U2AF2: variants seen among roughly 807,000 people sequenced by gnomAD.
U2AF2 encodes the protein U2 small nuclear RNA auxiliary factor 2, also known as splicing factor U2AF 65 kDa subunit.
U2AF2 carries 6 observed loss-of-function variants against 52.6 expected under a neutral mutation model. That is an observed-to-expected ratio of 0.11 (90% CI 0.06 to 0.23). The LOEUF (loss-of-function observed/expected upper bound fraction) is 0.23, where lower values mean the gene tolerates loss of function less well. U2AF2 is among the 10% of genes least tolerant of loss of function. The pLI is 1.00. For synonymous variants in U2AF2, 284 were observed against 258.2 expected, an observed-to-expected ratio of 1.10 and a Z score of -0.96; for missense variants, 222 against 677.1, an observed-to-expected ratio of 0.33 and a Z score of 7.46.
In U2AF2 at chr19:55,663,788, G is replaced by A. The variant is rs371696032; in HGVS notation, c.742+44G>A. 5 of 1,610,012 alleles carry A rather than the reference G, an allele frequency of 3.1e-6. No homozygotes were observed. In the African/African-American group the frequency reaches 5.3e-5, roughly 17 times the overall value. On this transcript the variant is annotated intron_variant, in intron 7 of 11. Coordinates refer to ENST00000308924, the MANE Select transcript of U2AF2 (RefSeq NM_007279.3). ...AAGGGCCCCTTTCTCCCCCAGTCCT[G>A]TTCCCATGGCCTGTCCATCCCTTCA...
rs759632598 is a variant in U2AF2 at position 55,659,279 on chromosome 19, G to A, written c.119G>A (p.Arg40Gln). 1.1e-5 allele frequency: 17 copies of A among 1,601,334 alleles called. No individual in the cohort carries two copies. The highest frequency in any genetic ancestry group is 2.2e-5 in the South Asian group (2 of 90,006). The change falls in exon 2 of 12, where the codon CGG becomes CAG. Residue 40 changes from arginine to glutamine, a missense_variant. Coordinates refer to ENST00000308924, the MANE Select transcript of U2AF2 (RefSeq NM_007279.3). ...TCTCGGAGCCGGGACCGCAAACGCC[G>A]GAGCCGGAGCCGCGACCGGCGCAAC... ...SRSRSRDRKR[R>Q]SRSRDRRNRD...
intron 11 of U2AF2, among the ~76,000 whole-genome samples, chr19:55,670,337 T>C (rs1461956714): frequency 1.3e-5 from 2 of 151,744 alleles, no homozygotes; most frequent in Admixed American, 6.6e-5. Context: ...TGACCTGCTC[T>C]TTGATCCCCT....
At chr19:55,670,913 CAG>C (rs1191186753) in intron 11 of U2AF2, among the ~76,000 whole-genome samples, 1 of 152,176 alleles carries the variant, frequency 6.6e-6, no homozygotes, top group Non-Finnish European at 1.5e-5. Context: ...AGCAGGAGGG[CAG>C]AGAGGGTGCT....
At position 55,655,164 on chromosome 19, in the gene U2AF2, C is replaced by T. The variant is rs775383990; in HGVS notation, c.49+11C>T. The T allele has an allele frequency of 2.9e-5, 47 of 1,601,188 alleles. No individual in the cohort carries two copies. In the South Asian group the frequency reaches 3.3e-4, roughly 11 times the overall value. On this transcript the variant is annotated intron_variant, in intron 1 of 11. Coordinates refer to ENST00000308924, the MANE Select transcript of U2AF2 (RefSeq NM_007279.3). ...ACGAGAATAAACAAGGTGAGGGCAC[C>T]GGGGTCGCGGGGCGGAGGTGTGGGC...
At chr19:55,657,077 G>C (rs1343966376) in intron 1 of U2AF2, among the ~76,000 whole-genome samples, 1 of 152,218 alleles carries the variant, frequency 6.6e-6, no homozygotes, top group Non-Finnish European at 1.5e-5. Flanking sequence ...TGGCTGCAAG[G>C]CCAAGTTCCA....
At chr19:55,670,358 A>G (rs1984817798) in intron 11 of U2AF2, among the ~76,000 whole-genome samples, 1 of 151,040 alleles carries the variant, frequency 6.6e-6, no homozygotes, top group Non-Finnish European at 1.5e-5. Context: ...TGCTGGGTGT[A>G]TGTATGGAAT....
rs761390253 is a variant in U2AF2 at position 55,655,141 on chromosome 19, G to A, written c.37G>A (p.Glu13Lys). Residue 13 changes from glutamate to lysine, a missense_variant, in exon 1 of 12, where the codon GAG becomes AAG. Physicochemically the swap from Glu to Lys is moderately conservative, Grantham distance 56. This residue lies in a region of U2AF2 where 100 missense variants were observed against 144.1 expected (regional missense o/e 0.69). Transcript: ENST00000308924. ...DFDEFERQLN[E>K]NKQERDKENR... ...CGACGAGTTCGAGCGGCAGCTCAAC[G>A]AGAATAAACAAGGTGAGGGCACCGG... 3 of 1,605,220 alleles carry A rather than the reference G, an allele frequency of 1.9e-6. No individual in the cohort carries two copies. Among genetic ancestry groups the A allele is most frequent in the East Asian group, 2.3e-5 (1 of 43,400 alleles).
chr19:55,661,351 C>CACCCCCA, intron 5 of U2AF2, 162 bp downstream of exon 5: 2 of 765,500 alleles, frequency 2.6e-6, no homozygotes, highest in Non-Finnish European at 3.7e-6. Context: ...AGCCAGGGGC[C>CACCCCCA]GGGCTGGGGG....
chr19:55,669,765 C>T (rs1984768161), intron 11 of U2AF2, 73 bp downstream of exon 11: 4 of 1,485,650 alleles, frequency 2.7e-6, no homozygotes, highest in Non-Finnish European at 3.6e-6. Context: ...TTCTTCCTCT[C>T]TTGCTCCCTC....
chr19:55,668,503 A>G lies in U2AF2; in HGVS notation c.743-4A>G, dbSNP rs1568553938. 6.3e-7 allele frequency: 1 copy of G among 1,592,100 alleles called. No individual in the cohort carries two copies. Among genetic ancestry groups the G allele is most frequent in the Non-Finnish European group, 8.6e-7 (1 of 1,167,436 alleles). ...ATTGAAGTCCTCCTCTTCTCTACCCATAGGGGTTGTGTCCACTGTGGTCCC... is the reference window on the plus strand; with the variant it reads ...ATTGAAGTCCTCCTCTTCTCTACCCGTAGGGGTTGTGTCCACTGTGGTCCC... On this transcript the variant is annotated splice_region_variant and splice_polypyrimidine_tract_variant and intron_variant, in intron 7 of 11. Transcript: ENST00000308924. This position sits in a 1 kb window ranked among gnomAD's most constrained non-coding sequence, Gnocchi z 5.5.
chr19:55,656,848 A>G (rs1018555046), intron 1 of U2AF2, among the ~76,000 whole-genome samples: 1 of 152,222 alleles, frequency 6.6e-6, no homozygotes, highest in Non-Finnish European at 1.5e-5. Context: ...CAATTGTAAA[A>G]TTCCATGCTT....
intron 1 of U2AF2, among the ~76,000 whole-genome samples, chr19:55,658,255 C>A (rs547190181): frequency 6.6e-6 from 1 of 152,096 alleles, no homozygotes; most frequent in South Asian, 2.1e-4. Flanking sequence ...ATCTGGGTGT[C>A]TTTGAATTAA....
At chr19:55,673,882 T>G (rs987774611) in intron 11 of U2AF2, 52 bp from the exon 12 acceptor site, 74 of 1,568,862 alleles carry the variant, frequency 4.7e-5, no homozygotes, top group Non-Finnish European at 6.0e-5. Flanking sequence ...GGACGCTGAC[T>G]GGCTGTTGGG....
chr19:55,668,593 T>C lies in U2AF2; in HGVS notation c.822+7T>C. The C allele has an allele frequency of 6.2e-7, 1 of 1,604,780 alleles. No homozygotes were observed. Among genetic ancestry groups the C allele is most frequent in the South Asian group, 1.1e-5 (1 of 89,584 alleles). ...CTACCTGAACGATGACCAGGTAACT[T>C]CCCTGCCTCCCTCCAGACCCGTCCC... On this transcript the variant is annotated splice_region_variant and intron_variant, in intron 8 of 11. Transcript: ENST00000308924. The surrounding 1 kb of genome is among the most constrained non-coding windows in gnomAD (Gnocchi z 5.5).
At chr19:55,658,863 C>T (rs769320684) in intron 1 of U2AF2, 1 of 237,454 alleles carries the variant, frequency 4.2e-6, no homozygotes, top group Non-Finnish European at 8.1e-6. Context: ...ATTCCCCAGC[C>T]TCTAGCCCTG....
rs543681324 is a variant in U2AF2, at chr19:55,672,808, A to AT, written c.1294-1118dup. ...GTGTGCCCGCCACCACACCTGGTTA[A>AT]TTTTTTTTGTATTTTTAATAGAGAC... On this transcript the variant is annotated intron_variant, in intron 11 of 11. Coordinates refer to ENST00000308924, the MANE Select transcript of U2AF2 (RefSeq NM_007279.3). 3.3e-5 allele frequency among the ~76,000 whole-genome samples: 5 copies of AT among 149,738 alleles called. No individual in the cohort carries two copies. In the East Asian group the frequency reaches 5.9e-4, roughly 18 times the overall value.
At position 55,668,543 on chromosome 19, in the gene U2AF2, A is replaced by G; in HGVS notation, c.779A>G (p.Lys260Arg). 6.2e-7 allele frequency: 1 copy of G among 1,608,324 alleles called. No individual in the cohort carries two copies. The highest frequency in any genetic ancestry group is 8.5e-7 in the Non-Finnish European group (1 of 1,176,664). ...VSTVVPDSAH[K>R]LFIGGLPNYL... is the part of the protein sequence containing the mutation. ...ACTGTGGTCCCCGACTCTGCCCACA[A>G]GCTGTTCATCGGGGGCTTACCCAAC... The change falls in exon 8 of 12, where the codon AAG (lysine) becomes AGG (arginine). Residue 260 changes from lysine (K) to arginine (R), a missense_variant. Lys to Arg is a conservative substitution (Grantham distance 26). Around this residue, in one of 4 missense-constraint regions of U2AF2, gnomAD observed 16 missense variants for 203.1 expected, o/e 0.08. Transcript: ENST00000308924. This position sits in a 1 kb window ranked among gnomAD's most constrained non-coding sequence, Gnocchi z 5.5.
intron 11 of U2AF2, among the ~76,000 whole-genome samples, chr19:55,673,334 T>G (rs1314784402): frequency 1.3e-5 from 2 of 151,858 alleles, no homozygotes; most frequent in African/African-American, 4.8e-5. Flanking sequence ...TTTTTTTTTT[T>G]GCAAGCTCTT....
intron 11 of U2AF2, among the ~76,000 whole-genome samples, chr19:55,672,767 C>A (rs1242104536): frequency 6.8e-6 from 1 of 147,748 alleles, no homozygotes; most frequent in Non-Finnish European, 1.5e-5. Context: ...CTCGCTGTTG[C>A]CCAGGCTGGA....
Sources: allele counts gnomAD v4.1 joint callset (sites outside exome capture counted in the v4.1 genomes callset), GRCh38; gene constraint gnomAD v4.1.1; regional missense constraint gnomAD v4.1.1; non-coding constraint Gnocchi (gnomAD v3.1); transcripts MANE v1.5; gene names NCBI Gene and HGNC (gene_info 2026-07-23, HGNC 2026-07-21).